SPAG17: variants seen among roughly 807,000 people sequenced by gnomAD.
SPAG17 encodes sperm associated antigen 17, also known as sperm-associated antigen 17.
SPAG17 carries 169 observed loss-of-function variants against 273.6 expected under a neutral mutation model. That is an observed-to-expected ratio of 0.62 (90% CI 0.55 to 0.70). The LOEUF (loss-of-function observed/expected upper bound fraction) is 0.70, where lower values mean the gene tolerates loss of function less well. SPAG17 is among the 30% of genes least tolerant of loss of function. The pLI is 0.00. For synonymous variants in SPAG17, 825 were observed against 873.2 expected, an observed-to-expected ratio of 0.94 and a Z score of 0.97; for missense variants, 2,557 against 2,627.8, an observed-to-expected ratio of 0.97 and a Z score of 0.59.
intron 17 of SPAG17, among the ~76,000 whole-genome samples, chr1:118,067,136 AGC>A: frequency 6.6e-6 from 1 of 152,186 alleles, no homozygotes; most frequent in Non-Finnish European, 1.5e-5. Flanking sequence ...CATCAGGCAG[AGC>A]GGCGCTTGCT....
chr1:118,120,823 A>G (rs368250914), intron 3 of SPAG17, among the ~76,000 whole-genome samples: 3 of 152,210 alleles, frequency 2.0e-5, no homozygotes, highest in East Asian at 1.9e-4. Context: ...CCTTCCTGCC[A>G]TGAAAATAGA....
intron 7 of SPAG17, among the ~76,000 whole-genome samples, chr1:118,096,230 A>G (rs1263557851): frequency 6.6e-6 from 1 of 152,140 alleles, no homozygotes; most frequent in Non-Finnish European, 1.5e-5. Context: ...CATTAAGTGC[A>G]TATCCATCTC....
intron 1 of SPAG17, among the ~76,000 whole-genome samples, chr1:118,164,233 G>A (rs1487147264): frequency 1.3e-5 from 2 of 152,082 alleles, no homozygotes; most frequent in South Asian, 2.1e-4. Context: ...TATATAGTCC[G>A]TATTTTTGAC....
Position 118,062,366 on chromosome 1 carries a change from C to CAAAAA in SPAG17, c.2540+4374_2540+4378dup, listed in dbSNP as rs56029752. On this transcript the variant is annotated intron_variant, in intron 18 of 48. Coordinates refer to ENST00000336338, the MANE Select transcript of SPAG17 (RefSeq NM_206996.4). ...TGGGCGACAGAGCGAGACTCCATCTCAAAAAAAAAAAAAAAAAAAAATTAA... is the reference window on the plus strand; with the variant it reads ...TGGGCGACAGAGCGAGACTCCATCTCAAAAAAAAAAAAAAAAAAAAAAAAAATTAA... Among the ~76,000 whole-genome samples the CAAAAA allele has an allele frequency of 1.7e-4, 8 of 46,408 alleles. 2 individuals are homozygous for CAAAAA. Among genetic ancestry groups the CAAAAA allele is most frequent in the African/African-American group, 8.7e-4 (8 of 9,166 alleles). The allele number at this position is 46,408 out of a possible 152,430, so 30.4% of individuals were successfully genotyped here.
At position 118,091,736 on chromosome 1, in the gene SPAG17, T is replaced by C; in HGVS notation, c.1247-18A>G. On this transcript the variant is annotated intron_variant, in intron 9 of 48. Transcript: ENST00000336338. The stretch of plus-strand genomic sequence containing the variant: ...TGAAGTCACTGTAAAATATAGAAAA[T>C]ACCATTGCCCAATTAAGTTGTGTTC... 6.7e-7 allele frequency: 1 copy of C among 1,495,974 alleles called. No individual in the cohort carries two copies. The highest frequency in any genetic ancestry group is 1.4e-5 in the African/African-American group (1 of 72,618). The allele number at this position is 1,495,974 out of a possible 1,614,324, so 92.7% of individuals were successfully genotyped here.
chr1:117,975,674 C>T (rs764679056), intron 43 of SPAG17, among the ~76,000 whole-genome samples: 1 of 152,158 alleles, frequency 6.6e-6, no homozygotes, highest in Non-Finnish European at 1.5e-5. Flanking sequence ...GGGCACATGC[C>T]AGTAAAGCCC....
At chr1:118,181,363 C>T (rs1056503936) in intron 1 of SPAG17, among the ~76,000 whole-genome samples, 1 of 149,032 alleles carries the variant, frequency 6.7e-6, no homozygotes, top group Non-Finnish European at 1.5e-5. Flanking sequence ...AAAAAAAAAA[C>T]AAAACTACTC....
intron 20 of SPAG17, among the ~76,000 whole-genome samples, chr1:118,046,258 G>T (rs952439534): frequency 6.6e-6 from 1 of 151,958 alleles, no homozygotes; most frequent in Non-Finnish European, 1.5e-5. Context: ...GATCATTTGA[G>T]CCCAGGAATT....
intron 1 of SPAG17, among the ~76,000 whole-genome samples, chr1:118,179,743 G>C (rs774600649): frequency 2.6e-5 from 4 of 151,688 alleles, no homozygotes; most frequent in Non-Finnish European, 5.9e-5. Flanking sequence ...CAACTAAATA[G>C]GAAAAAACCC....
chr1:118,098,136 AT>A (rs1352162478), intron 6 of SPAG17, among the ~76,000 whole-genome samples: 1 of 152,200 alleles, frequency 6.6e-6, no homozygotes, highest in African/African-American at 2.4e-5. Context: ...GGAGCTAAAT[AT>A]GTTCAAGATT....
intron 18 of SPAG17, among the ~76,000 whole-genome samples, chr1:118,066,345 C>A (rs1298706664): frequency 6.6e-6 from 1 of 152,168 alleles, no homozygotes; most frequent in East Asian, 1.9e-4. Flanking sequence ...TGGTATATTA[C>A]TCAGCTGACC....
At chr1:118,060,778 A>G (rs140899903) in intron 18 of SPAG17, among the ~76,000 whole-genome samples, 10 of 152,112 alleles carry the variant, frequency 6.6e-5, no homozygotes, top group African/African-American at 1.9e-4. Flanking sequence ...TGAAGGCTAC[A>G]TTTGCTGGGT....
chr1:117,957,709 T>G (rs984161711), intron 48 of SPAG17, among the ~76,000 whole-genome samples: 1 of 152,244 alleles, frequency 6.6e-6, no homozygotes, highest in Non-Finnish European at 1.5e-5. Flanking sequence ...TTTGTTGTTG[T>G]TGTTCATCAG....
At chr1:118,042,387 A>G (rs1649872958) in intron 20 of SPAG17, among the ~76,000 whole-genome samples, 1 of 152,128 alleles carries the variant, frequency 6.6e-6, no homozygotes, top group Admixed American at 6.6e-5. Flanking sequence ...CATGAGTCCG[A>G]TCTTTAATTT....
chr1:118,172,059 A>C (rs1660443136), intron 1 of SPAG17, among the ~76,000 whole-genome samples: 1 of 152,204 alleles, frequency 6.6e-6, no homozygotes, highest in Non-Finnish European at 1.5e-5. Flanking sequence ...CAGCCTGTAA[A>C]AGTAATAATT....
At chr1:118,099,852 T>A in intron 5 of SPAG17, 52 bp from the exon 6 acceptor site, 1 of 1,542,100 alleles carries the variant, frequency 6.5e-7, no homozygotes, top group Non-Finnish European at 8.9e-7. Context: ...AGAGAGCAGG[T>A]TGCACTCAGC....
chr1:118,105,856 G>A (rs79490548), intron 4 of SPAG17, among the ~76,000 whole-genome samples: 2 of 150,540 alleles, frequency 1.3e-5, no homozygotes, highest in Non-Finnish European at 1.5e-5. Context: ...CATCAAAAAA[G>A]AAAAAAAAAG....
intron 3 of SPAG17, among the ~76,000 whole-genome samples, chr1:118,142,312 G>C (rs1271822297): frequency 6.6e-6 from 1 of 152,098 alleles, no homozygotes; most frequent in Non-Finnish European, 1.5e-5. Flanking sequence ...GGTCATCAGG[G>C]GCCAGGGTGC....
chr1:117,988,575 A>T (rs968363939), intron 38 of SPAG17, among the ~76,000 whole-genome samples: 15 of 152,196 alleles, frequency 9.9e-5, no homozygotes, highest in African/African-American at 3.6e-4. Flanking sequence ...CCCGAATCTA[A>T]GAACATGATT....
Sources: gnomAD v4.1 joint callset for allele counts (sites outside exome capture counted in the v4.1 genomes callset) on GRCh38, gnomAD v4.1.1 for gene constraint, MANE v1.5 for transcripts, NCBI Gene and HGNC (gene_info 2026-07-23, HGNC 2026-07-21) for gene names.